Variants in KIAA1217 observed in about 807,000 individuals in gnomAD.
The protein encoded by KIAA1217 is KIAA1217.
Under a neutral mutation model 163.9 loss-of-function variants are expected in KIAA1217, and 88 were observed. The observed-to-expected ratio is 0.54, with a 90% CI of 0.45 to 0.64. KIAA1217 has a LOEUF of 0.64. KIAA1217 is among the 30% of genes least tolerant of loss of function. The probability of loss-of-function intolerance (pLI) is 0.00; values close to 1 mark genes in which losing one functional copy is unlikely to be tolerated. For synonymous variants in KIAA1217, 903 were observed against 923.1 expected, an observed-to-expected ratio of 0.98 and a Z score of 0.39; for missense variants, 2,372 against 2,475.0, an observed-to-expected ratio of 0.96 and a Z score of 0.88.
At chr10:24,457,344 TTG>T (rs376333005) in intron 5 of KIAA1217, among the ~76,000 whole-genome samples, 17 of 130,646 alleles carry the variant, frequency 1.3e-4, no homozygotes, top group East Asian at 5.4e-4. Context: ...GTTTTTTGTT[TTG>T]TGTGTGTGTG....
intron 1 of KIAA1217, among the ~76,000 whole-genome samples, chr10:23,863,507 G>T (rs1451350214): frequency 6.6e-6 from 1 of 152,134 alleles, no homozygotes; most frequent in Non-Finnish European, 1.5e-5. Context: ...GCTATGTGAG[G>T]ATACGGTTCA....
chr10:24,025,779 T>A (rs1847917336), intron 2 of KIAA1217, among the ~76,000 whole-genome samples: 1 of 151,826 alleles, frequency 6.6e-6, no homozygotes, highest in African/African-American at 2.4e-5. Flanking sequence ...CTATTCTAAA[T>A]GGTAATTTTG....
chr10:24,519,938 C>T (rs1344736969), intron 10 of KIAA1217, among the ~76,000 whole-genome samples, 185 bp from the exon 11 acceptor site: 1 of 152,168 alleles, frequency 6.6e-6, no homozygotes, highest in Non-Finnish European at 1.5e-5. Flanking sequence ...CCTCACACCA[C>T]TGCAAAATGT....
chr10:24,258,594 T>G (rs1336569095), intron 2 of KIAA1217, among the ~76,000 whole-genome samples: 1 of 151,036 alleles, frequency 6.6e-6, no homozygotes, highest in Non-Finnish European at 1.5e-5. Flanking sequence ...TTCTTTTTTT[T>G]TTTTTTTTCT....
chr10:23,699,201 T>A (rs1564347008), intron 1 of KIAA1217, among the ~76,000 whole-genome samples: 1 of 152,196 alleles, frequency 6.6e-6, no homozygotes, highest in Non-Finnish European at 1.5e-5. Flanking sequence ...GTCCTGTGGC[T>A]CCCAGTTTCA....
intron 2 of KIAA1217, chr10:24,255,745 G>T: frequency 4.4e-6 from 1 of 226,634 alleles, no homozygotes; most frequent in South Asian, 4.5e-5. Context: ...AAGAGGGCCG[G>T]GGGCCAATCT....
chr10:24,178,037 G>C (rs934693247), intron 2 of KIAA1217, among the ~76,000 whole-genome samples: 1 of 152,128 alleles, frequency 6.6e-6, no homozygotes, highest in Non-Finnish European at 1.5e-5. Context: ...GAGTAACACC[G>C]ATGTACAGCT....
chr10:24,301,186 A>G (rs1178874774), intron 2 of KIAA1217, among the ~76,000 whole-genome samples: 1 of 152,094 alleles, frequency 6.6e-6, no homozygotes, highest in African/African-American at 2.4e-5. Context: ...TGGGGCAGAT[A>G]AGTGCCCCCC....
intron 1 of KIAA1217, among the ~76,000 whole-genome samples, chr10:23,856,398 G>C (rs1280750089): frequency 6.6e-6 from 1 of 152,240 alleles, no homozygotes; most frequent in Non-Finnish European, 1.5e-5. Flanking sequence ...GTACCCGTCT[G>C]TGTGAGGTGT....
At chr10:24,133,883 C>G (rs1255357310) in intron 2 of KIAA1217, among the ~76,000 whole-genome samples, 1 of 152,140 alleles carries the variant, frequency 6.6e-6, no homozygotes, top group African/African-American at 2.4e-5. Context: ...TTTTTCTTAA[C>G]TAGGAGTGGT....
intron 2 of KIAA1217, among the ~76,000 whole-genome samples, chr10:24,330,234 A>G (rs2045488096): frequency 6.7e-6 from 1 of 149,828 alleles, no homozygotes; most frequent in Non-Finnish European, 1.5e-5. Context: ...CAGGAGGCAG[A>G]GGTTGCAGTA....
chr10:24,288,515 C>A (rs1311793105), intron 2 of KIAA1217, among the ~76,000 whole-genome samples: 1 of 152,326 alleles, frequency 6.6e-6, no homozygotes, highest in Non-Finnish European at 1.5e-5. Context: ...TTCCATTAAC[C>A]TGTCCTCAAG....
chr10:23,699,761 A>T (rs1178669174), intron 1 of KIAA1217, among the ~76,000 whole-genome samples: 3 of 152,062 alleles, frequency 2.0e-5, no homozygotes, highest in Non-Finnish European at 4.4e-5. Flanking sequence ...AAGTGCTGGG[A>T]TTACAGGCAT....
intron 2 of KIAA1217, among the ~76,000 whole-genome samples, chr10:24,334,563 A>G (rs556440463): frequency 6.6e-6 from 1 of 152,308 alleles, no homozygotes; most frequent in South Asian, 2.1e-4. Flanking sequence ...CTAAGTCCTT[A>G]TAATAAGGAC....
intron 2 of KIAA1217, among the ~76,000 whole-genome samples, chr10:24,338,200 A>G (rs1372700723): frequency 6.6e-6 from 1 of 152,208 alleles, no homozygotes. Flanking sequence ...GCCAATGCAG[A>G]GGATTATTCT....
At chr10:24,149,606 TAAAA>T (rs1158848351) in intron 2 of KIAA1217, among the ~76,000 whole-genome samples, 6 of 152,020 alleles carry the variant, frequency 3.9e-5, no homozygotes, top group Admixed American at 2.6e-4. Flanking sequence ...TTATTTTAAA[TAAAA>T]CTAAAAATGG....
At chr10:23,920,876 T>C (rs1236345988) in intron 1 of KIAA1217, among the ~76,000 whole-genome samples, 1 of 151,420 alleles carries the variant, frequency 6.6e-6, no homozygotes, top group East Asian at 2.0e-4. Flanking sequence ...TGAGGGAGGG[T>C]TTTTCACATG....
chr10:24,034,715 C>T (rs766449071), intron 2 of KIAA1217, among the ~76,000 whole-genome samples: 14 of 152,180 alleles, frequency 9.2e-5, no homozygotes, highest in Non-Finnish European at 1.9e-4. Flanking sequence ...CACCTTACAC[C>T]TCAGGAGAAG....
At chr10:24,329,794 G>A (rs538604742) in intron 2 of KIAA1217, among the ~76,000 whole-genome samples, 4 of 152,140 alleles carry the variant, frequency 2.6e-5, no homozygotes, top group Non-Finnish European at 5.9e-5. Flanking sequence ...TTGGGAACTT[G>A]AGCAGGTTTG....
Sources: gnomAD v4.1 joint callset for allele counts (sites outside exome capture counted in the v4.1 genomes callset) on GRCh38, gnomAD v4.1.1 for gene constraint, MANE v1.5 for transcripts, NCBI Gene and HGNC (gene_info 2026-07-23, HGNC 2026-07-21) for gene names.